Variants in MAP3K13 observed in about 807,000 individuals in gnomAD.
MAP3K13 encodes mitogen-activated protein kinase kinase kinase 13.
MAP3K13 carries 52 observed loss-of-function variants against 104.0 expected under a neutral mutation model. The ratio of observed to expected loss-of-function variants is 0.50; its 90% CI spans 0.40 to 0.63. The LOEUF (loss-of-function observed/expected upper bound fraction) is 0.63, where lower values mean the gene tolerates loss of function less well. Ranked by LOEUF, MAP3K13 falls within the 20% of genes least tolerant of loss-of-function variation. The pLI, the probability that MAP3K13 is intolerant of heterozygous loss-of-function variation, is 0.00. For synonymous variants in MAP3K13, 394 were observed against 442.2 expected, an observed-to-expected ratio of 0.89 and a Z score of 1.37; for missense variants, 914 against 1,218.5, an observed-to-expected ratio of 0.75 and a Z score of 3.72.
At chr3:185,455,213 GATATATATATGATATATATGAGAT>G (rs1560118716) in intron 7 of MAP3K13, among the ~76,000 whole-genome samples, 26 of 69,448 alleles carry the variant, frequency 3.7e-4, no homozygotes, top group African/African-American at 1.2e-3. Flanking sequence ...ATATATATGA[GATATATATATGATATATATGAGAT>G]ATATATATGA....
intron 2 of MAP3K13, among the ~76,000 whole-genome samples, chr3:185,307,138 C>T (rs944416178): frequency 1.3e-5 from 2 of 151,884 alleles, no homozygotes; most frequent in Admixed American, 6.6e-5. Context: ...TTTGATAGTT[C>T]GGTTACAATG....
At chr3:185,448,828 T>C (rs143607067) in intron 5 of MAP3K13, among the ~76,000 whole-genome samples, 379 of 152,340 alleles carry the variant, frequency 2.5e-3, no homozygotes, top group Middle Eastern at 6.8e-3. Context: ...GCCTGTACTT[T>C]TGTTCATATG....
intron 1 of MAP3K13, among the ~76,000 whole-genome samples, chr3:185,416,272 C>A (rs1362747498): frequency 6.6e-6 from 1 of 152,034 alleles, no homozygotes; most frequent in African/African-American, 2.4e-5. Flanking sequence ...CTTTTCCTTG[C>A]CCTTCTTTTT....
At position 185,484,250 on chromosome 3, in the gene MAP3K13, G is replaced by A. The variant is rs1272703639; in HGVS notation, c.*1794G>A. On this transcript the variant is annotated 3_prime_UTR_variant, in exon 14 of 14. Coordinates refer to ENST00000265026, the MANE Select transcript of MAP3K13 (RefSeq NM_004721.5). ...ATTTTTACATTGCCAAAAGCATGAG[G>A]TCCTGCCTGTCTCCAGGGTCATGGG... 2 of 152,144 alleles carry A rather than the reference G, an allele frequency of 1.3e-5. No individual in the cohort carries two copies. The highest frequency in any genetic ancestry group is 2.9e-5 in the Non-Finnish European group (2 of 68,016). 9.4% of individuals were successfully genotyped at this position (152,144 alleles called of 1,614,324 possible).
chr3:185,375,801 A>T (rs1724397608), intron 1 of MAP3K13, among the ~76,000 whole-genome samples: 1 of 152,200 alleles, frequency 6.6e-6, no homozygotes, highest in African/African-American at 2.4e-5. Flanking sequence ...GTTTTTATTA[A>T]GGAGGCATTA....
Position 185,356,715 on chromosome 3 carries a change from C to T in MAP3K13, c.-86+71072C>T, listed in dbSNP as rs147460417. 6.7e-3 allele frequency among the ~76,000 whole-genome samples: 1,021 copies of T among 152,246 alleles called. 16 individuals are homozygous for T. The highest frequency in any genetic ancestry group is 0.023 in the African/African-American group (952 of 41,512). On this transcript the variant is annotated intron_variant, in intron 2 of 14. Transcript: ENST00000424227. ...GTGTCTATCCTTTCACTAATTATTA[C>T]GACCAGGGAGTTGAGTTGGCCATCC...
intron 2 of MAP3K13, among the ~76,000 whole-genome samples, chr3:185,291,274 A>G (rs1720727584): frequency 6.6e-6 from 1 of 152,218 alleles, no homozygotes. Context: ...ATTTGATATC[A>G]TGGATAGAGA....
intron 7 of MAP3K13, 21 bp downstream of exon 7, chr3:185,451,416 C>T: frequency 6.7e-7 from 1 of 1,499,892 alleles, no homozygotes; most frequent in Non-Finnish European, 9.3e-7. Flanking sequence ...AAACTTCCTA[C>T]CAGGTGCTAC....
intron 1 of MAP3K13, among the ~76,000 whole-genome samples, chr3:185,384,332 G>GTGTGTGTGTGTT (rs1711557158): frequency 6.6e-6 from 1 of 151,888 alleles, no homozygotes; most frequent in South Asian, 2.1e-4. Flanking sequence ...GTGTGTGTGT[G>GTGTGTGTGTGTT]TGTGTGAGAC....
chr3:185,428,415 G>GTT, intron 1 of MAP3K13, 82 bp from the exon 2 acceptor site: 2 of 878,822 alleles, frequency 2.3e-6, no homozygotes, highest in Non-Finnish European at 3.2e-6. Flanking sequence ...CATTGTTTCA[G>GTT]TTTTTTTTAA....
intron 7 of MAP3K13, among the ~76,000 whole-genome samples, chr3:185,458,537 A>C (rs1265611677): frequency 6.6e-6 from 1 of 151,882 alleles, no homozygotes; most frequent in African/African-American, 2.4e-5. Flanking sequence ...TTTCTGATGA[A>C]CTCCTGAGAT....
chr3:185,343,196 T>C (rs922563409), intron 2 of MAP3K13, among the ~76,000 whole-genome samples: 1 of 152,140 alleles, frequency 6.6e-6, no homozygotes, highest in Admixed American at 6.5e-5. Context: ...CTTTTCTGTA[T>C]TATATTGATT....
intron 1 of MAP3K13, among the ~76,000 whole-genome samples, chr3:185,364,388 C>G (rs1723773508): frequency 1.3e-5 from 2 of 152,332 alleles, no homozygotes; most frequent in South Asian, 4.1e-4. Context: ...CATTTCCCAA[C>G]TGCTTCACTT....
intron 1 of MAP3K13, among the ~76,000 whole-genome samples, chr3:185,403,848 T>C (rs1712957774): frequency 6.6e-6 from 1 of 152,232 alleles, no homozygotes. Context: ...ATATCTTTCT[T>C]TAAAAAGTCA....
intron 1 of MAP3K13, among the ~76,000 whole-genome samples, chr3:185,420,718 T>C (rs890620305): frequency 7.2e-5 from 11 of 152,242 alleles, no homozygotes; most frequent in Admixed American, 5.9e-4. Flanking sequence ...AAATCTTTGA[T>C]TTATTCATAT....
At chr3:185,431,326 A>C (rs1714729851) in intron 2 of MAP3K13, among the ~76,000 whole-genome samples, 1 of 152,200 alleles carries the variant, frequency 6.6e-6, no homozygotes, top group African/African-American at 2.4e-5. Context: ...ATATTAAATG[A>C]TGTGAATGTG....
chr3:185,381,988 A>G (rs1309546293), intron 1 of MAP3K13, among the ~76,000 whole-genome samples: 4 of 152,236 alleles, frequency 2.6e-5, no homozygotes, highest in Non-Finnish European at 5.9e-5. Context: ...AACTGTAGTT[A>G]ATAATCAATA....
rs187465526 is a variant in MAP3K13 at position 185,410,883 on chromosome 3, T to A, written c.-85-17614T>A. 1.3e-3 allele frequency among the ~76,000 whole-genome samples: 190 copies of A among 146,642 alleles called. 1 individual carries two copies. Among genetic ancestry groups the A allele is most frequent in the African/African-American group, 4.7e-3 (184 of 39,464 alleles). Reference sequence around the variant, plus strand: ...TCAGGAGGCAGAGGTTGCAGTGAACTAAGATCACACCGCTGCACTCCAGCC... The same window carrying A: ...TCAGGAGGCAGAGGTTGCAGTGAACAAAGATCACACCGCTGCACTCCAGCC... On this transcript the variant is annotated intron_variant, in intron 1 of 13. Transcript: ENST00000265026.
chr3:185,386,809 C>T (rs1381753012), intron 1 of MAP3K13, among the ~76,000 whole-genome samples: 1 of 152,110 alleles, frequency 6.6e-6, no homozygotes, highest in Non-Finnish European at 1.5e-5. Flanking sequence ...AATAGAAAAC[C>T]AAATACCACA....
Sources: allele counts gnomAD v4.1 joint callset (sites outside exome capture counted in the v4.1 genomes callset), GRCh38; gene constraint gnomAD v4.1.1; transcripts MANE v1.5; gene names NCBI Gene and HGNC (gene_info 2026-07-23, HGNC 2026-07-21).